Variants in ZNRF2 observed in about 807,000 individuals in gnomAD.
The protein encoded by ZNRF2 is zinc and ring finger 2, also known as E3 ubiquitin-protein ligase ZNRF2.
A neutral mutation model predicts 20.4 loss-of-function variants in ZNRF2; 16 were observed. That is an observed-to-expected ratio of 0.79 (90% confidence interval 0.53 to 1.19). ZNRF2 has a LOEUF of 1.19. ZNRF2 is among the 50% of genes most tolerant of loss of function. ZNRF2 has a pLI of 0.00. For missense variants in ZNRF2, 363 were observed against 332.4 expected, an observed-to-expected ratio of 1.09 and a Z score of -0.72; for synonymous variants, 178 against 144.9, an observed-to-expected ratio of 1.23 and a Z score of -1.64.
rs1798796545 is a variant in ZNRF2 at position 30,286,691 on chromosome 7, TACTTTA to T, written c.469+866_469+871del. On this transcript the variant is annotated intron_variant, in intron 1 of 4. Coordinates refer to ENST00000323037, the MANE Select transcript of ZNRF2 (RefSeq NM_147128.4). ...TCTTCAGTTATGTTTTATGCTGATCTACTTTATTGCAAAACGCTAATAGTAAATGAA... is the reference window on the plus strand; with the variant it reads ...TCTTCAGTTATGTTTTATGCTGATCTTTGCAAAACGCTAATAGTAAATGAA... Among the ~76,000 whole-genome samples, 3 of 152,370 alleles carry T rather than the reference TACTTTA, an allele frequency of 2.0e-5. No individual in the cohort carries two copies. The South Asian group carries it at 6.2e-4, about 32-fold the overall frequency.
chr7:30,303,253 G>C lies in ZNRF2; in HGVS notation c.469+17427G>C, dbSNP rs1799146776. On this transcript the variant is annotated intron_variant, in intron 1 of 4. Transcript: ENST00000323037. ...ACTCCAGCTTGGGCGATGGAAATGA[G>C]ATCCTGTCTCAAAAAAAAAAAAAAG... Among the ~76,000 whole-genome samples, 6 of 144,634 alleles carry C rather than the reference G, an allele frequency of 4.1e-5. No homozygotes were observed. The South Asian group carries it at 1.3e-3, about 31-fold the overall frequency. The allele number at this position is 144,634 out of a possible 152,430, so 94.9% of individuals were successfully genotyped here. A position where few individuals can be genotyped will look rare whatever the true frequency, so the allele number is the denominator to read the frequency against.
intron 2 of ZNRF2, among the ~76,000 whole-genome samples, chr7:30,340,156 G>A (rs376114932): frequency 1.8e-3 from 279 of 152,256 alleles, no homozygotes; most frequent in African/African-American, 6.3e-3. Context: ...GGGCTGAGAC[G>A]ATGGGGTTTC....
At chr7:30,293,110 G>A (rs1021520795) in intron 1 of ZNRF2, among the ~76,000 whole-genome samples, 1 of 151,608 alleles carries the variant, frequency 6.6e-6, no homozygotes, top group Non-Finnish European at 1.5e-5. Flanking sequence ...GAGCCACCTG[G>A]ATTAGATGTG....
At chr7:30,348,602 A>G (rs1046591071) in intron 2 of ZNRF2, among the ~76,000 whole-genome samples, 5 of 152,150 alleles carry the variant, frequency 3.3e-5, no homozygotes, top group Non-Finnish European at 7.3e-5. Flanking sequence ...ACCTGCTTTA[A>G]TATACATCTG....
intron 3 of ZNRF2, 34 bp from the exon 4 acceptor site, chr7:30,362,343 G>A (rs1444549623): frequency 4.8e-6 from 7 of 1,462,528 alleles, no homozygotes; most frequent in Non-Finnish European, 4.7e-6. Flanking sequence ...ATTAGTATAA[G>A]TATCTCAATT....
intron 1 of ZNRF2, among the ~76,000 whole-genome samples, chr7:30,300,305 C>T (rs577866923): frequency 6.9e-4 from 105 of 151,882 alleles, no homozygotes; most frequent in Non-Finnish European, 1.1e-3. Flanking sequence ...CACGCCACCA[C>T]GCCTGGCTAA....
intron 4 of ZNRF2, among the ~76,000 whole-genome samples, chr7:30,363,988 G>A (rs993892525): frequency 2.6e-5 from 4 of 152,132 alleles, no homozygotes; most frequent in South Asian, 2.1e-4. Context: ...AGTAACAGCC[G>A]GCTTTTCTAG....
chr7:30,295,266 T>G (rs945996880), intron 1 of ZNRF2, among the ~76,000 whole-genome samples: 1 of 152,136 alleles, frequency 6.6e-6, no homozygotes, highest in Non-Finnish European at 1.5e-5. Flanking sequence ...GAGTTCCGCA[T>G]CTGTCCATAA....
chr7:30,326,828 T>G (rs1036021349), intron 2 of ZNRF2, among the ~76,000 whole-genome samples: 4 of 152,192 alleles, frequency 2.6e-5, no homozygotes, highest in African/African-American at 9.6e-5. Context: ...ATAATACGCA[T>G]TCTGACGCTT....
chr7:30,354,907 T>C (rs534419649), intron 2 of ZNRF2, among the ~76,000 whole-genome samples: 1 of 152,312 alleles, frequency 6.6e-6, no homozygotes, highest in South Asian at 2.1e-4. Context: ...CAAACTGCTT[T>C]TAAAAATTAA....
At chr7:30,285,964 G>A in intron 1 of ZNRF2, 138 bp downstream of exon 1, 2 of 1,319,992 alleles carry the variant, frequency 1.5e-6, no homozygotes, top group Non-Finnish European at 1.9e-6. Context: ...AGCCCGCGTC[G>A]GTCTCCATCC....
intron 2 of ZNRF2, among the ~76,000 whole-genome samples, chr7:30,352,574 G>A (rs180831615): frequency 1.2e-3 from 189 of 152,100 alleles, no homozygotes; most frequent in African/African-American, 4.4e-3. Context: ...TTTTTAAAAA[G>A]CAACATGTTT....
chr7:30,326,467 T>A (rs962509148), intron 2 of ZNRF2, among the ~76,000 whole-genome samples: 1 of 152,230 alleles, frequency 6.6e-6, no homozygotes, highest in Non-Finnish European at 1.5e-5. Flanking sequence ...GGACATGATC[T>A]TCTTTTTTAT....
chr7:30,328,631 CTT>C (rs1032597920), intron 2 of ZNRF2, among the ~76,000 whole-genome samples: 4 of 152,184 alleles, frequency 2.6e-5, no homozygotes, highest in East Asian at 3.8e-4. Context: ...GTTTCAGACT[CTT>C]TGTCACAGAG....
rs1405144687 is a variant in ZNRF2, at chr7:30,362,492, C to G, written c.*22+36C>G. ...TTGTAATTACTTTTTAAAGCGTTAG[C>G]CCAAATTATACATTCTAAACTATAA... On this transcript the variant is annotated intron_variant, in intron 4 of 4. Coordinates refer to ENST00000323037, the MANE Select transcript of ZNRF2 (RefSeq NM_147128.4). 1.2e-5 allele frequency: 15 copies of G among 1,294,546 alleles called. No homozygotes were observed. The Admixed American group carries it at 2.8e-4, about 24-fold the overall frequency. The allele number at this position is 1,294,546 out of a possible 1,614,324, so 80.2% of individuals were successfully genotyped here. A position where few individuals can be genotyped will look rare whatever the true frequency, so the allele number is the denominator to read the frequency against.
intron 1 of ZNRF2, among the ~76,000 whole-genome samples, chr7:30,293,494 C>G (rs1562603097): frequency 6.6e-6 from 1 of 152,116 alleles, no homozygotes; most frequent in Admixed American, 6.5e-5. Flanking sequence ...AGTGATTCGC[C>G]CACCTCAGCC....
intron 2 of ZNRF2, among the ~76,000 whole-genome samples, chr7:30,342,731 G>A (rs73687805): frequency 1.3e-5 from 2 of 152,000 alleles, no homozygotes; most frequent in Non-Finnish European, 2.9e-5. Flanking sequence ...TTTTTCAGCA[G>A]AAGTATACAA....
chr7:30,340,654 G>C (rs1225080489), intron 2 of ZNRF2, among the ~76,000 whole-genome samples: 1 of 152,078 alleles, frequency 6.6e-6, no homozygotes, highest in Non-Finnish European at 1.5e-5. Context: ...ATTTTATTGA[G>C]GATTTTCGCA....
At chr7:30,301,028 CTGTCT>C (rs1799105425) in intron 1 of ZNRF2, among the ~76,000 whole-genome samples, 3 of 152,222 alleles carry the variant, frequency 2.0e-5, no homozygotes, top group Admixed American at 6.5e-5. Flanking sequence ...TCAGACCGTA[CTGTCT>C]TAAATAAGGA....
Sources: allele counts gnomAD v4.1 joint callset (sites outside exome capture counted in the v4.1 genomes callset), GRCh38; gene constraint gnomAD v4.1.1; transcripts MANE v1.5; gene names NCBI Gene and HGNC (gene_info 2026-07-23, HGNC 2026-07-21).